PAX5: variants seen among roughly 807,000 people sequenced by gnomAD.
The protein encoded by PAX5 is paired box protein Pax-5.
PAX5 carries 9 observed loss-of-function variants against 43.7 expected under a neutral mutation model. The observed-to-expected ratio is 0.21, with a 90% CI of 0.12 to 0.36. The LOEUF is 0.36. Ranked by LOEUF, PAX5 falls within the 10% of genes least tolerant of loss-of-function variation. The pLI is 1.00. For missense variants in PAX5, 383 were observed against 532.7 expected, an observed-to-expected ratio of 0.72 and a Z score of 2.77; for synonymous variants, 228 against 214.3, an observed-to-expected ratio of 1.06 and a Z score of -0.56.
At chr9:36,936,852 A>ACACATG (rs1563986704) in intron 6 of PAX5, among the ~76,000 whole-genome samples, 5 of 14,246 alleles carry the variant, frequency 3.5e-4, no homozygotes, top group Non-Finnish European at 6.0e-4. Flanking sequence ...ACACACATGC[A>ACACATG]CACACACACA....
intron 7 of PAX5, among the ~76,000 whole-genome samples, chr9:36,919,441 C>T (rs1829964353): frequency 6.6e-6 from 1 of 152,300 alleles, no homozygotes; most frequent in East Asian, 1.9e-4. Context: ...TTAAGAAATA[C>T]ATTTTGTAAG....
intron 6 of PAX5, among the ~76,000 whole-genome samples, chr9:36,957,774 A>T (rs1833611833): frequency 6.6e-6 from 1 of 152,122 alleles, no homozygotes; most frequent in Non-Finnish European, 1.5e-5. Context: ...TAATCTCTAA[A>T]ACATATGACT....
intron 8 of PAX5, among the ~76,000 whole-genome samples, chr9:36,857,970 T>C (rs1192726372): frequency 6.6e-6 from 1 of 152,240 alleles, no homozygotes; most frequent in Non-Finnish European, 1.5e-5. Flanking sequence ...TGCCACTCCA[T>C]GTTGGTAACT....
intron 5 of PAX5, among the ~76,000 whole-genome samples, chr9:36,977,361 C>T (rs1465507780): frequency 1.3e-5 from 2 of 152,060 alleles, no homozygotes; most frequent in Non-Finnish European, 2.9e-5. Flanking sequence ...GATCACACAG[C>T]TAAGAAGTGG....
rs796594670 is a variant in PAX5, at chr9:36,975,395, TTG to T, written c.605-8673_605-8672del. Among the ~76,000 whole-genome samples, 1,491 of 151,316 alleles carry T rather than the reference TTG, an allele frequency of 9.9e-3. 19 individuals carry two copies. The highest frequency in any genetic ancestry group is 0.033 in the African/African-American group (1,350 of 41,272). On this transcript the variant is annotated intron_variant, in intron 5 of 9. Transcript: ENST00000358127. Reference sequence around the variant, plus strand: ...GATATTTGAGCAATTTCTTTTTTTTTTGTTTTTTGAGACGGAGTCTTGCTCTG... The same window carrying T: ...GATATTTGAGCAATTTCTTTTTTTTTTTTTTTGAGACGGAGTCTTGCTCTG...
chr9:36,901,762 C>T (rs1301585475), intron 7 of PAX5, among the ~76,000 whole-genome samples: 1 of 152,166 alleles, frequency 6.6e-6, no homozygotes. Context: ...ATAACCCTGG[C>T]CAAGGAACAT....
At chr9:36,896,326 CCAAA>C (rs1329782949) in intron 7 of PAX5, among the ~76,000 whole-genome samples, 1 of 151,794 alleles carries the variant, frequency 6.6e-6, no homozygotes, top group Non-Finnish European at 1.5e-5. Flanking sequence ...CCAAGAAAGT[CCAAA>C]CAGACAACGC....
chr9:36,912,100 C>T (rs1447826608), intron 7 of PAX5, among the ~76,000 whole-genome samples: 2 of 152,240 alleles, frequency 1.3e-5, no homozygotes, highest in Admixed American at 1.3e-4. Flanking sequence ...CAAGACTCCA[C>T]CACCTTCTGA....
intron 6 of PAX5, among the ~76,000 whole-genome samples, chr9:36,930,248 A>G (rs1159379702): frequency 3.3e-5 from 4 of 119,906 alleles, no homozygotes; most frequent in Non-Finnish European, 6.7e-5. Context: ...TTTTGAGACA[A>G]GGTCTTGCTC....
chr9:36,972,280 G>A (rs976968738), intron 5 of PAX5, among the ~76,000 whole-genome samples: 2 of 152,202 alleles, frequency 1.3e-5, no homozygotes, highest in Non-Finnish European at 2.9e-5. Context: ...GCAGGGCCGT[G>A]GCAGGGCCCA....
Position 37,034,040 on chromosome 9 carries a change from T to C in PAX5, c.-9A>G. 2 of 1,597,632 alleles carry C rather than the reference T, an allele frequency of 1.3e-6. No individual in the cohort carries two copies. Among genetic ancestry groups the C allele is most frequent in the Non-Finnish European group, 1.7e-6 (2 of 1,167,380 alleles). On this transcript the variant is annotated 5_prime_UTR_variant, in exon 1 of 10. Transcript: ENST00000358127. Reference sequence around the variant, plus strand: ...TTTTTCTCTAAATCCATTTTGATTTTTCAGGACTTGATGGAATGGACAGGG... The same window carrying C: ...TTTTTCTCTAAATCCATTTTGATTTCTCAGGACTTGATGGAATGGACAGGG...
chr9:36,896,279 C>A (rs1361132853), intron 7 of PAX5, among the ~76,000 whole-genome samples: 1 of 151,974 alleles, frequency 6.6e-6, no homozygotes, highest in Non-Finnish European at 1.5e-5. Flanking sequence ...GTCCAGGGGG[C>A]AACGGGATAG....
rs145650410 is a variant in PAX5 at position 36,984,042 on chromosome 9, A to G, written c.605-17318T>C. Among the ~76,000 whole-genome samples the G allele has an allele frequency of 3.3e-3, 497 of 152,314 alleles. 2 individuals are homozygous for G. The highest frequency in any genetic ancestry group is 0.012 in the African/African-American group (484 of 41,560). ...TGGATTCCCTCTGCCCTTTTTAGAA[A>G]ACCGTTTCCCAAATATAAGATTCCA... On this transcript the variant is annotated intron_variant, in intron 5 of 9. Transcript: ENST00000358127.
intron 6 of PAX5, among the ~76,000 whole-genome samples, chr9:36,965,400 G>A (rs547062243): frequency 6.6e-6 from 1 of 152,334 alleles, no homozygotes; most frequent in Admixed American, 6.5e-5. Flanking sequence ...TAGGCAAGTT[G>A]CTCTGCCTCT....
rs1306798485 is a variant in PAX5 at position 37,006,498 on chromosome 9, T to C, written c.450A>G (p.Pro150=). 6.2e-7 allele frequency: 1 copy of C among 1,614,164 alleles called. No individual in the cohort carries two copies. Among genetic ancestry groups the C allele is most frequent in the Admixed American group, 1.7e-5 (1 of 60,030 alleles). The change falls in exon 4 of 10, where the codon CCA becomes CCG. Residue 150 remains proline, a synonymous_variant. Coordinates refer to ENST00000358127, the MANE Select transcript of PAX5 (RefSeq NM_016734.3). ...RTKVQQPPNQ[P]VPASSHSIVS... Reference sequence around the variant, plus strand: ...CTATGCTGTGACTGGAAGCTGGGACTGGTTGGTTGGGTGGCTGCTGTACTT... The same window carrying C: ...CTATGCTGTGACTGGAAGCTGGGACCGGTTGGTTGGGTGGCTGCTGTACTT...
intron 3 of PAX5, among the ~76,000 whole-genome samples, chr9:37,013,268 G>A (rs1204522623): frequency 6.6e-6 from 1 of 152,140 alleles, no homozygotes; most frequent in African/African-American, 2.4e-5. Flanking sequence ...AATCGGACTT[G>A]TGCTGCCTAG....
intron 5 of PAX5, among the ~76,000 whole-genome samples, chr9:36,992,117 C>T (rs995571490): frequency 1.9e-4 from 26 of 136,926 alleles, no homozygotes; most frequent in Non-Finnish European, 3.3e-4. Context: ...ACACACACCT[C>T]GCCCCCACCC....
intron 7 of PAX5, among the ~76,000 whole-genome samples, chr9:36,883,326 T>C (rs972896165): frequency 2.6e-5 from 4 of 151,918 alleles, no homozygotes; most frequent in Non-Finnish European, 4.4e-5. Flanking sequence ...AGAAGCCAGA[T>C]AAAAATCTAT....
At chr9:36,942,365 A>G (rs1283819982) in intron 6 of PAX5, among the ~76,000 whole-genome samples, 2 of 152,218 alleles carry the variant, frequency 1.3e-5, no homozygotes, top group Admixed American at 6.5e-5. Context: ...AAGAAAATGC[A>G]TTTCCCTGGC....
Sources: allele counts gnomAD v4.1 joint callset (sites outside exome capture counted in the v4.1 genomes callset), GRCh38; gene constraint gnomAD v4.1.1; transcripts MANE v1.5; gene names NCBI Gene and HGNC (gene_info 2026-07-23, HGNC 2026-07-21).